SYT14: variants seen among roughly 807,000 people sequenced by gnomAD.
SYT14 encodes synaptotagmin-14.
SYT14 carries 32 observed loss-of-function variants against 74.2 expected under a neutral mutation model. The observed-to-expected ratio is 0.43, with a 90% CI of 0.33 to 0.58. The LOEUF is 0.58. SYT14 is among the 20% of genes least tolerant of loss of function. The pLI, the probability that SYT14 is intolerant of heterozygous loss-of-function variation, is 0.05. For synonymous variants in SYT14, 298 were observed against 337.7 expected, an observed-to-expected ratio of 0.88 and a Z score of 1.29; for missense variants, 791 against 981.8, an observed-to-expected ratio of 0.81 and a Z score of 2.60.
chr1:210,072,477 T>C (rs895827716), intron 5 of SYT14, among the ~76,000 whole-genome samples: 3 of 152,012 alleles, frequency 2.0e-5, no homozygotes, highest in African/African-American at 7.2e-5. Context: ...GTGTTAAATT[T>C]TAAATGCTGC....
chr1:210,070,843 G>A (rs1240286808), intron 5 of SYT14, among the ~76,000 whole-genome samples: 1 of 151,666 alleles, frequency 6.6e-6, no homozygotes, highest in Non-Finnish European at 1.5e-5. Flanking sequence ...AGTCATGAGA[G>A]AAGCTGATTT....
At chr1:209,945,599 G>C (rs2078810120) in intron 1 of SYT14, among the ~76,000 whole-genome samples, 1 of 152,176 alleles carries the variant, frequency 6.6e-6, no homozygotes, top group Non-Finnish European at 1.5e-5. Flanking sequence ...GTGCTTTGGA[G>C]AAGAATCTTT....
intron 1 of SYT14, among the ~76,000 whole-genome samples, chr1:209,946,723 AGGT>A (rs2102658865): frequency 6.6e-6 from 1 of 152,362 alleles, no homozygotes; most frequent in East Asian, 1.9e-4. Context: ...TCATTGATGA[AGGT>A]GGCTACACTA....
At chr1:210,022,644 A>G (rs1216363766) in intron 5 of SYT14, among the ~76,000 whole-genome samples, 3 of 152,218 alleles carry the variant, frequency 2.0e-5, no homozygotes, top group Non-Finnish European at 4.4e-5. Context: ...TCTGTAAAAT[A>G]TGAATAAAAC....
intron 2 of SYT14, among the ~76,000 whole-genome samples, chr1:209,993,106 G>A (rs890540728): frequency 7.9e-5 from 12 of 152,214 alleles, no homozygotes; most frequent in African/African-American, 2.7e-4. Context: ...GAGCCTGGGA[G>A]TTTTTGTGGG....
At chr1:210,139,279 T>TA (rs1271006808) in intron 7 of SYT14, among the ~76,000 whole-genome samples, 10 of 147,664 alleles carry the variant, frequency 6.8e-5, no homozygotes, top group Non-Finnish European at 1.5e-4. Flanking sequence ...TTTTTTTTTT[T>TA]TTTTTTTTGA....
At position 210,015,681 on chromosome 1, in the gene SYT14, CAGGTGTA is replaced by C; in HGVS notation, c.-320-2_-316del. 5.2e-6 allele frequency: 1 copy of C among 193,142 alleles called. No individual in the cohort carries two copies. Among genetic ancestry groups the C allele is most frequent in the Non-Finnish European group, 1.0e-5 (1 of 98,194 alleles). The allele number at this position is 193,142 out of a possible 1,614,324, so 12.0% of individuals were successfully genotyped here. A position where few individuals can be genotyped will look rare whatever the true frequency, so the allele number is the denominator to read the frequency against. ...AAAATCCTTTTTATACTTCTTTTTT[CAGGTGTA>C]GAATAAAAAACCAATAGTATTTGAG... On this transcript the variant is annotated splice_acceptor_variant and 5_prime_UTR_variant, in exon 4 of 10. Coordinates refer to ENST00000637265, the Ensembl canonical transcript of SYT14. LOFTEE classifies it low-confidence loss of function (5UTR_SPLICE).
intron 7 of SYT14, among the ~76,000 whole-genome samples, chr1:210,128,279 A>G: frequency 6.6e-6 from 1 of 151,772 alleles, no homozygotes; most frequent in East Asian, 1.9e-4. Context: ...TGGGAGGCTG[A>G]GGTGGGAGGA....
At chr1:210,163,871 T>C (rs1242552935) in exon 10 of SYT14, 1 of 453,684 alleles carries the variant, frequency 2.2e-6, no homozygotes. Context: ...TTATAGCAAA[T>C]AGGGACCTAC....
At chr1:209,944,118 A>T (rs2078783029) in intron 1 of SYT14, among the ~76,000 whole-genome samples, 2 of 152,226 alleles carry the variant, frequency 1.3e-5, no homozygotes, top group African/African-American at 2.4e-5. Flanking sequence ...TGAATATTAA[A>T]TTATCTTCAG....
chr1:210,017,094 A>G, exon 4 of SYT14: 1 of 1,231,394 alleles, frequency 8.1e-7, no homozygotes, highest in Non-Finnish European at 1.0e-6. Context: ...ATAATACCAG[A>G]AAAAGGTGAG....
intron 7 of SYT14, among the ~76,000 whole-genome samples, chr1:210,102,043 A>G (rs1189083385): frequency 1.3e-5 from 2 of 152,312 alleles, no homozygotes; most frequent in East Asian, 3.9e-4. Flanking sequence ...CAACCAGTAC[A>G]ATAATTTCTG....
chr1:210,147,473 C>A (rs1186857815), intron 7 of SYT14, among the ~76,000 whole-genome samples: 2 of 152,104 alleles, frequency 1.3e-5, no homozygotes, highest in African/African-American at 4.8e-5. Flanking sequence ...AAATACCAGA[C>A]AAAATGATAA....
intron 7 of SYT14, among the ~76,000 whole-genome samples, chr1:210,132,063 C>T (rs558844519): frequency 1.3e-5 from 2 of 152,232 alleles, no homozygotes; most frequent in East Asian, 1.9e-4. Flanking sequence ...ACTGGCTCAC[C>T]CCTCTGAATG....
chr1:210,094,229 A>T (rs1345636105), intron 5 of SYT14, 93 bp from the exon 5 acceptor site: 13 of 1,547,132 alleles, frequency 8.4e-6, no homozygotes, highest in Non-Finnish European at 1.1e-5. Flanking sequence ...CAATTTTTTG[A>T]TCCAGTTTTC....
intron 5 of SYT14, among the ~76,000 whole-genome samples, chr1:210,074,684 G>A (rs187577305): frequency 1.3e-3 from 192 of 152,264 alleles, no homozygotes; most frequent in Non-Finnish European, 2.0e-3. Context: ...AGTGAAATGG[G>A]AAAAGTTCCC....
intron 2 of SYT14, among the ~76,000 whole-genome samples, chr1:209,979,553 G>A (rs1356818647): frequency 6.6e-6 from 1 of 152,024 alleles, no homozygotes; most frequent in Non-Finnish European, 1.5e-5. Context: ...CATCAACTAG[G>A]TATTAAGCCC....
Position 209,969,112 on chromosome 1 carries a change from G to A in SYT14, c.-486+16356G>A, listed in dbSNP as rs114774721. Among the ~76,000 whole-genome samples, 1,197 of 152,150 alleles carry A rather than the reference G, an allele frequency of 7.9e-3. 21 individuals are homozygous for A. Among genetic ancestry groups the A allele is most frequent in the African/African-American group, 0.027 (1,137 of 41,518 alleles). On this transcript the variant is annotated intron_variant, in intron 2 of 9. Transcript: ENST00000637265. ...TTATGGCTGTGTAGTATTCCATGGCGTTTATGGACACATTTTCTTTATTCA... is the reference window on the plus strand; with the variant it reads ...TTATGGCTGTGTAGTATTCCATGGCATTTATGGACACATTTTCTTTATTCA...
chr1:210,122,014 G>T (rs2082478553), intron 7 of SYT14, among the ~76,000 whole-genome samples: 1 of 12,724 alleles, frequency 7.9e-5, no homozygotes. Flanking sequence ...GTCTCGCTCT[G>T]TCGCCCAGGC....
Sources: allele counts gnomAD v4.1 joint callset (sites outside exome capture counted in the v4.1 genomes callset), GRCh38; gene constraint gnomAD v4.1.1; transcripts MANE v1.5; gene names NCBI Gene and HGNC (gene_info 2026-07-23, HGNC 2026-07-21).